The following SLC10A7 variants were observed in gnomAD, a reference collection of about 807,000 sequenced individuals.
SLC10A7 encodes the protein solute carrier family 10 member 7.
SLC10A7 carries 29 observed loss-of-function variants against 43.2 expected under a neutral mutation model. The observed-to-expected ratio is 0.67, with a 90% CI of 0.50 to 0.92. The LOEUF (loss-of-function observed/expected upper bound fraction) is 0.92. Among genes scored for constraint, SLC10A7 ranks in the 40% least tolerant of loss-of-function variants. The pLI, the probability that SLC10A7 is intolerant of heterozygous loss-of-function variation, is 0.00. For synonymous variants in SLC10A7, 152 were observed against 144.8 expected, an observed-to-expected ratio of 1.05 and a Z score of -0.35; for missense variants, 295 against 403.2, an observed-to-expected ratio of 0.73 and a Z score of 2.30.
chr4:146,478,790 T>C (rs1404013110), intron 4 of SLC10A7, among the ~76,000 whole-genome samples: 1 of 152,138 alleles, frequency 6.6e-6, no homozygotes, highest in Non-Finnish European at 1.5e-5. Context: ...AAAGTGCCTC[T>C]GAGGAAACCG....
At chr4:146,283,081 G>T in intron 10 of SLC10A7, 111 bp downstream of exon 10, 1 of 808,964 alleles carries the variant, frequency 1.2e-6, no homozygotes. Flanking sequence ...TTATCTAATA[G>T]TGTGGACAAC....
At chr4:146,492,354 T>C (rs751163629) in intron 4 of SLC10A7, among the ~76,000 whole-genome samples, 3 of 152,004 alleles carry the variant, frequency 2.0e-5, no homozygotes, top group Non-Finnish European at 4.4e-5. Context: ...ACAATGTCCA[T>C]GTTTCTTTGT....
intron 5 of SLC10A7, among the ~76,000 whole-genome samples, chr4:146,386,408 A>G (rs1430575127): frequency 6.6e-6 from 1 of 152,158 alleles, no homozygotes; most frequent in Non-Finnish European, 1.5e-5. Flanking sequence ...GAACACTCAT[A>G]TATCCTTTAC....
chr4:146,380,974 C>T (rs1171678394), intron 5 of SLC10A7, among the ~76,000 whole-genome samples: 2 of 152,146 alleles, frequency 1.3e-5, no homozygotes, highest in East Asian at 3.9e-4. Flanking sequence ...GAAATGCCGG[C>T]CATCATTTTA....
chr4:146,356,531 G>T (rs1186013440), intron 5 of SLC10A7, among the ~76,000 whole-genome samples: 6 of 151,554 alleles, frequency 4.0e-5, no homozygotes, highest in Non-Finnish European at 5.9e-5. Flanking sequence ...ACTTACTCAA[G>T]TCTCTTATAA....
intron 4 of SLC10A7, among the ~76,000 whole-genome samples, chr4:146,498,193 C>T (rs1736076913): frequency 1.3e-5 from 2 of 151,836 alleles, no homozygotes; most frequent in South Asian, 4.1e-4. Context: ...TCTTGGCTCA[C>T]TGCAACCTCC....
At chr4:146,421,889 G>T (rs938813494) in intron 5 of SLC10A7, among the ~76,000 whole-genome samples, 1 of 152,042 alleles carries the variant, frequency 6.6e-6, no homozygotes, top group Non-Finnish European at 1.5e-5. Context: ...TTAACCTACT[G>T]TGTCCTCTCT....
intron 4 of SLC10A7, among the ~76,000 whole-genome samples, chr4:146,493,691 T>C (rs1175763793): frequency 1.3e-5 from 2 of 152,256 alleles, no homozygotes; most frequent in Non-Finnish European, 2.9e-5. Context: ...ATTACTAGTT[T>C]GGCTCCCCAT....
At chr4:146,425,868 A>G (rs1373432273) in intron 5 of SLC10A7, among the ~76,000 whole-genome samples, 1 of 152,244 alleles carries the variant, frequency 6.6e-6, no homozygotes, top group Non-Finnish European at 1.5e-5. Context: ...CATTTCCAAT[A>G]GCCTGATAGA....
chr4:146,274,582 G>A (rs1159403125), intron 10 of SLC10A7, among the ~76,000 whole-genome samples: 2 of 152,108 alleles, frequency 1.3e-5, no homozygotes, highest in African/African-American at 4.8e-5. Flanking sequence ...TAATACAAAT[G>A]AAACTCAAAA....
chr4:146,440,486 C>T (rs1730514250), intron 5 of SLC10A7, among the ~76,000 whole-genome samples: 1 of 152,024 alleles, frequency 6.6e-6, no homozygotes, highest in Admixed American at 6.6e-5. Context: ...AGTCTTGGCC[C>T]ATGATGAGAC....
intron 5 of SLC10A7, among the ~76,000 whole-genome samples, chr4:146,339,838 C>G (rs1734134627): frequency 7.0e-6 from 1 of 142,810 alleles, no homozygotes; most frequent in South Asian, 2.5e-4. Flanking sequence ...ACTTTAAGTT[C>G]CAGGATACAT....
chr4:146,389,874 C>T (rs566166048), intron 5 of SLC10A7, among the ~76,000 whole-genome samples: 4 of 152,306 alleles, frequency 2.6e-5, no homozygotes, highest in African/African-American at 9.6e-5. Context: ...GACCATTCCT[C>T]CCTGGGGCTG....
chr4:146,468,335 A>G (rs1733238120), intron 4 of SLC10A7, among the ~76,000 whole-genome samples: 1 of 152,208 alleles, frequency 6.6e-6, no homozygotes, highest in African/African-American at 2.4e-5. Flanking sequence ...AAATCCAGAA[A>G]CAGAGATATA....
chr4:146,503,321 G>C (rs1299036866), intron 4 of SLC10A7, among the ~76,000 whole-genome samples: 3 of 152,118 alleles, frequency 2.0e-5, no homozygotes, highest in African/African-American at 7.2e-5. Flanking sequence ...TTCTGCATTG[G>C]ACAATTGCTA....
At chr4:146,376,854 G>A (rs1246897735) in intron 5 of SLC10A7, among the ~76,000 whole-genome samples, 1 of 152,154 alleles carries the variant, frequency 6.6e-6, no homozygotes, top group Non-Finnish European at 1.5e-5. Context: ...TTATTGGCTG[G>A]AACGGGACCT....
chr4:146,341,525 T>A (rs1315054979), intron 5 of SLC10A7, among the ~76,000 whole-genome samples: 1 of 151,912 alleles, frequency 6.6e-6, no homozygotes, highest in East Asian at 1.9e-4. Context: ...TATACATAAA[T>A]AGGATAAAAT....
At chr4:146,270,782 T>C (rs1376657668) in intron 10 of SLC10A7, among the ~76,000 whole-genome samples, 2 of 152,178 alleles carry the variant, frequency 1.3e-5, no homozygotes, top group East Asian at 3.8e-4. Context: ...GTTTGGACAA[T>C]GAGAGCAAGC....
chr4:146,301,852 T>G (rs1215839005), intron 7 of SLC10A7, among the ~76,000 whole-genome samples: 1 of 152,002 alleles, frequency 6.6e-6, no homozygotes, highest in Non-Finnish European at 1.5e-5. Flanking sequence ...TATAGGTTTC[T>G]CCTCGAAAAG....
Sources: gnomAD v4.1 joint callset for allele counts (sites outside exome capture counted in the v4.1 genomes callset) on GRCh38, gnomAD v4.1.1 for gene constraint, MANE v1.5 for transcripts, NCBI Gene and HGNC (gene_info 2026-07-23, HGNC 2026-07-21) for gene names.